The following TMEM230 variants were observed in gnomAD, a reference collection of about 807,000 sequenced individuals.
TMEM230 encodes the protein transmembrane protein 230.
In TMEM230, 10 loss-of-function variants were observed where a neutral mutation model predicts 15.8. The observed-to-expected ratio is 0.63, with a 90% CI of 0.39 to 1.07. The LOEUF (loss-of-function observed/expected upper bound fraction) is 1.07. TMEM230 is among the 50% of genes least tolerant of loss of function. TMEM230 has a pLI of 0.01. For missense variants in TMEM230, 165 were observed against 193.3 expected (o/e 0.85, Z 0.87); for synonymous variants, 67 against 76.9 (o/e 0.87, Z 0.68).
At chr20:5,082,167 G>A (rs551166722) in intron 3 of TMEM230, among the ~76,000 whole-genome samples, 3 of 151,526 alleles carry the variant, frequency 2.0e-5, no homozygotes, top group Non-Finnish European at 4.4e-5. Context: ...GAGCCACCAC[G>A]CCCAGCCATT....
intron 4 of TMEM230, among the ~76,000 whole-genome samples, chr20:5,105,659 G>C (rs1025203911): frequency 3.9e-5 from 6 of 152,142 alleles, no homozygotes; most frequent in Admixed American, 6.5e-5. Flanking sequence ...CATTTAGCCT[G>C]ATGTGATTAT....
At chr20:5,086,258 C>A (rs2089334114) in intron 3 of TMEM230, among the ~76,000 whole-genome samples, 1 of 148,328 alleles carries the variant, frequency 6.7e-6, no homozygotes. Context: ...AAAGTATTGG[C>A]CAGCCACGGT....
At chr20:5,093,630 G>A (rs1600346262) in intron 3 of TMEM230, among the ~76,000 whole-genome samples, 1 of 151,822 alleles carries the variant, frequency 6.6e-6, no homozygotes, top group Non-Finnish European at 1.5e-5. Context: ...TCCACCTCCC[G>A]GGTTCAAGTG....
exon 4 of TMEM230, chr20:5,068,880 G>GTACCCAGTCTCTTCA: frequency 3.6e-6 from 1 of 276,106 alleles, no homozygotes; most frequent in Non-Finnish European, 6.9e-6. Flanking sequence ...ATCGCTCTCA[G>GTACCCAGTCTCTTCA]TACCAAGGAT....
chr20:5,083,031 G>A (rs1015053692), intron 3 of TMEM230, among the ~76,000 whole-genome samples: 3 of 150,710 alleles, frequency 2.0e-5, no homozygotes, highest in East Asian at 3.9e-4. Context: ...GGGTTCAAGC[G>A]ATTCTCCTGC....
At chr20:5,061,443 G>C in the TMEM230 span, 15,239 of 152,212 alleles carry the variant, frequency 0.1, 855 homozygotes, top group African/African-American at 0.12. Context: ...AACTCCCTGA[G>C]TCACATCCTG....
At chr20:5,063,807 T>C (rs1006293077), downstream of TMEM230, among the ~76,000 whole-genome samples, 43 of 74,422 alleles carry the variant, frequency 5.8e-4, 1 homozygote, top group Non-Finnish European at 7.8e-4. Context: ...CAAAATTTGT[T>C]AACTTGGAAA....
At chr20:5,063,251 C>T (rs968028957), downstream of TMEM230, among the ~76,000 whole-genome samples, 1 of 144,576 alleles carries the variant, frequency 6.9e-6, no homozygotes, top group African/African-American at 2.6e-5. Context: ...TCCCCCTCAA[C>T]AGGAATCACT....
chr20:5,104,503 C>T (rs950842209), intron 4 of TMEM230, among the ~76,000 whole-genome samples: 1 of 152,180 alleles, frequency 6.6e-6, no homozygotes, highest in Non-Finnish European at 1.5e-5. Context: ...ACCATATGAT[C>T]CAGCAATCAC....
downstream of TMEM230, among the ~76,000 whole-genome samples, chr20:5,095,790 A>AT (rs1196782773): frequency 6.6e-6 from 1 of 152,160 alleles, no homozygotes; most frequent in Non-Finnish European, 1.5e-5. Context: ...AAGATTCTGC[A>AT]TTTCAAATTT....
intron 1 of TMEM230, among the ~76,000 whole-genome samples, chr20:5,112,004 GC>G (rs1212451060): frequency 1.3e-5 from 2 of 151,952 alleles, no homozygotes; most frequent in Non-Finnish European, 2.9e-5. Context: ...CTGCTACCAC[GC>G]CCGGCTAATT....
Position 5,108,854 on chromosome 20 carries a change from T to A in TMEM230, c.288+478A>T, listed in dbSNP as rs142364818. Reference sequence around the variant, plus strand: ...TATCACAAAGAATACCTTTAATAAATTGGATCTCATGACATCAGGAAAGAA... The same window carrying A: ...TATCACAAAGAATACCTTTAATAAAATGGATCTCATGACATCAGGAAAGAA... On this transcript the variant is annotated intron_variant, in intron 3 of 4. Coordinates refer to ENST00000342308, the MANE Select transcript of TMEM230 (RefSeq NM_001009923.2). Among the ~76,000 whole-genome samples, 13 of 152,258 alleles carry A rather than the reference T, an allele frequency of 8.5e-5. No individual in the cohort carries two copies. In the East Asian group the frequency reaches 2.5e-3, roughly 29 times the overall value.
Position 5,081,864 on chromosome 20 carries a change from CTTTTTTTTCTTTTT to C in TMEM230, c.223-12529_223-12516del, listed in dbSNP as rs1216330046. On this transcript the variant is annotated intron_variant, in intron 3 of 3. Transcript: ENST00000612323. Reference sequence around the variant, plus strand: ...CTCATGTTTGAAATTCACTGATTTTCTTTTTTTTCTTTTTTTTTTTTTTTTTTTAGACAGAGTCT... The same window carrying C: ...CTCATGTTTGAAATTCACTGATTTTCTTTTTTTTTTTTTTAGACAGAGTCT... Among the ~76,000 whole-genome samples the C allele has an allele frequency of 2.3e-3, 316 of 140,326 alleles. 1 individual carries two copies. The highest frequency in any genetic ancestry group is 2.0e-3 in the Admixed American group (28 of 14,328). The allele number at this position is 140,326 out of a possible 152,430, so 92.1% of individuals were successfully genotyped here. A position where few individuals can be genotyped will look rare whatever the true frequency, so the allele number is the denominator to read the frequency against.
At chr20:5,096,051 C>T (rs2089655810), downstream of TMEM230, among the ~76,000 whole-genome samples, 3 of 152,216 alleles carry the variant, frequency 2.0e-5, no homozygotes, top group Admixed American at 2.0e-4. Flanking sequence ...CTGAGACCTC[C>T]TCACACCCTC....
At chr20:5,087,727 TAGA>T (rs1381079793) in intron 3 of TMEM230, among the ~76,000 whole-genome samples, 1 of 128,150 alleles carries the variant, frequency 7.8e-6, no homozygotes, top group Non-Finnish European at 1.6e-5. Context: ...TTCCTGGGAC[TAGA>T]AGATTAGAAT....
intron 3 of TMEM230, among the ~76,000 whole-genome samples, chr20:5,081,871 TTC>T (rs1395699448): frequency 1.1e-3 from 43 of 39,444 alleles, no homozygotes; most frequent in African/African-American, 2.7e-3. Context: ...TTTCTTTTTT[TTC>T]TTTTTTTTTT....
the TMEM230 span, among the ~76,000 whole-genome samples, chr20:5,060,421 C>T: frequency 6.7e-6 from 1 of 149,636 alleles, no homozygotes; most frequent in East Asian, 2.0e-4. Context: ...ACTGCAACCT[C>T]CACCTCCCAG....
the TMEM230 span, among the ~76,000 whole-genome samples, chr20:5,062,871 G>A: frequency 6.6e-6 from 1 of 152,274 alleles, no homozygotes; most frequent in African/African-American, 2.4e-5. Context: ...GGGAAACACT[G>A]GCTTGGGGCT....
chr20:5,081,449 C>T (rs775895286), intron 3 of TMEM230, among the ~76,000 whole-genome samples: 4 of 152,188 alleles, frequency 2.6e-5, no homozygotes, highest in Non-Finnish European at 4.4e-5. Flanking sequence ...ATGGTTCTCA[C>T]GCACCCCGGC....
Sources: allele counts gnomAD v4.1 joint callset (sites outside exome capture counted in the v4.1 genomes callset), GRCh38; gene constraint gnomAD v4.1.1; transcripts MANE v1.5; gene names NCBI Gene and HGNC (gene_info 2026-07-23, HGNC 2026-07-21).